Variants in BMPR1B observed in about 807,000 individuals in gnomAD.
BMPR1B encodes the protein bone morphogenetic protein receptor type-1B.
In BMPR1B, 12 loss-of-function variants were observed where a neutral mutation model predicts 59.1. The ratio of observed to expected loss-of-function variants is 0.20; its 90% CI spans 0.13 to 0.33. The LOEUF (loss-of-function observed/expected upper bound fraction) is 0.33, where lower values mean the gene tolerates loss of function less well. BMPR1B is among the 10% of genes least tolerant of loss of function. The probability of loss-of-function intolerance (pLI) is 1.00; values close to 1 mark genes in which losing one functional copy is unlikely to be tolerated. For synonymous variants in BMPR1B, 237 were observed against 207.3 expected, an observed-to-expected ratio of 1.14 and a Z score of -1.23; for missense variants, 550 against 610.9, an observed-to-expected ratio of 0.90 and a Z score of 1.05.
At chr4:94,988,252 A>G (rs1259337667) in intron 2 of BMPR1B, among the ~76,000 whole-genome samples, 2 of 152,146 alleles carry the variant, frequency 1.3e-5, no homozygotes, top group Non-Finnish European at 2.9e-5. Flanking sequence ...AAGTACTGAT[A>G]ATACAGCTGG....
At chr4:94,839,383 G>T (rs2148932576) in intron 1 of BMPR1B, among the ~76,000 whole-genome samples, 1 of 146,636 alleles carries the variant, frequency 6.8e-6, no homozygotes, top group African/African-American at 2.5e-5. Context: ...CATTATTAAT[G>T]TGTGGGGGTC....
At chr4:94,969,045 T>G (rs1228677655) in intron 2 of BMPR1B, among the ~76,000 whole-genome samples, 2 of 140,540 alleles carry the variant, frequency 1.4e-5, no homozygotes, top group African/African-American at 3.2e-5. Flanking sequence ...TTTTTGTTGT[T>G]TTTTTTTTGA....
At chr4:94,806,938 A>AT (rs1271275684) in intron 1 of BMPR1B, among the ~76,000 whole-genome samples, 1 of 151,036 alleles carries the variant, frequency 6.6e-6, no homozygotes, top group African/African-American at 2.5e-5. Context: ...TATTAAAGAT[A>AT]TTTTATTAAA....
In BMPR1B at chr4:95,098,086, A is replaced by G. The variant is rs1225667970; in HGVS notation, c.-17-6322A>G. ...CCTAGTATATTAGGATACTAATATA[A>G]TAAAATGTGAGAAAGTACATTCTTA... On this transcript the variant is annotated intron_variant, in intron 3 of 12. Coordinates refer to ENST00000515059, the MANE Select transcript of BMPR1B (RefSeq NM_001203.3). Among the ~76,000 whole-genome samples the G allele has an allele frequency of 2.0e-5, 3 of 152,174 alleles. No individual in the cohort carries two copies. The East Asian group carries it at 5.8e-4, about 29-fold the overall frequency.
At chr4:94,965,455 C>T (rs1310689789) in intron 2 of BMPR1B, among the ~76,000 whole-genome samples, 1 of 152,052 alleles carries the variant, frequency 6.6e-6, no homozygotes, top group Non-Finnish European at 1.5e-5. Flanking sequence ...CCCATCCTCC[C>T]CACTCCAAAA....
intron 2 of BMPR1B, among the ~76,000 whole-genome samples, chr4:94,973,118 A>G (rs1276943460): frequency 6.6e-6 from 1 of 152,036 alleles, no homozygotes; most frequent in Non-Finnish European, 1.5e-5. Flanking sequence ...GACAGCATCT[A>G]GGTGGGGTTG....
At chr4:95,042,046 C>T (rs1257926132) in intron 3 of BMPR1B, among the ~76,000 whole-genome samples, 9 of 152,010 alleles carry the variant, frequency 5.9e-5, no homozygotes, top group Admixed American at 1.3e-4. Flanking sequence ...TTAGTAGAGA[C>T]GGGGTTTCAC....
intron 3 of BMPR1B, among the ~76,000 whole-genome samples, chr4:95,084,342 T>TGTAG (rs1216026029): frequency 7.7e-6 from 1 of 129,924 alleles, no homozygotes; most frequent in African/African-American, 2.9e-5. Context: ...TATATGTATG[T>TGTAG]GTAGGTGTGT....
intron 2 of BMPR1B, among the ~76,000 whole-genome samples, chr4:94,940,167 T>G (rs1729455208): frequency 6.6e-6 from 1 of 152,220 alleles, no homozygotes; most frequent in Non-Finnish European, 1.5e-5. Context: ...TTCATCTGAC[T>G]TCTTGTAAAT....
intron 2 of BMPR1B, among the ~76,000 whole-genome samples, chr4:94,910,998 T>TA (rs1728251987): frequency 6.6e-6 from 1 of 152,168 alleles, no homozygotes; most frequent in East Asian, 1.9e-4. Flanking sequence ...ACCCAGTACT[T>TA]ACGTGAACCA....
chr4:94,954,898 G>T (rs1366331020), intron 2 of BMPR1B, among the ~76,000 whole-genome samples: 2 of 152,004 alleles, frequency 1.3e-5, no homozygotes, highest in Non-Finnish European at 2.9e-5. Context: ...TCTTTTACTG[G>T]TAATTCTTAC....
At position 94,814,322 on chromosome 4, in the gene BMPR1B, A is replaced by G. The variant is rs150070869; in HGVS notation, c.-183+56254A>G. Among the ~76,000 whole-genome samples, 445 of 152,348 alleles carry G rather than the reference A, an allele frequency of 2.9e-3. 3 individuals carry two copies. Among genetic ancestry groups the G allele is most frequent in the African/African-American group, 9.9e-3 (411 of 41,594 alleles). On this transcript the variant is annotated intron_variant, in intron 1 of 12. Transcript: ENST00000515059. ...GAGATGTTTAACTTGAGGTTCAGAA[A>G]CTAAGGTTTCCTAAATGCATGACAT... is the stretch of plus-strand genomic sequence containing the variant.
At chr4:95,060,434 A>G (rs1324011248) in intron 3 of BMPR1B, among the ~76,000 whole-genome samples, 1 of 152,214 alleles carries the variant, frequency 6.6e-6, no homozygotes, top group East Asian at 1.9e-4. Flanking sequence ...GTGTTGTTTA[A>G]TAAAACAGTT....
chr4:94,896,312 A>G (rs186809365), intron 2 of BMPR1B, among the ~76,000 whole-genome samples: 165 of 152,166 alleles, frequency 1.1e-3, no homozygotes, highest in African/African-American at 3.5e-3. Flanking sequence ...TCTAGGCTTG[A>G]TGATCAAAGT....
intron 3 of BMPR1B, among the ~76,000 whole-genome samples, chr4:95,048,610 G>C (rs779690588): frequency 6.6e-6 from 1 of 152,108 alleles, no homozygotes; most frequent in Non-Finnish European, 1.5e-5. Flanking sequence ...TTTGAGAAGC[G>C]TCTGTTCCTG....
At chr4:94,780,069 T>C (rs1436809583) in intron 1 of BMPR1B, among the ~76,000 whole-genome samples, 1 of 152,186 alleles carries the variant, frequency 6.6e-6, no homozygotes, top group Admixed American at 6.5e-5. Context: ...TGACATGTAA[T>C]TAATAATCTT....
chr4:94,994,219 C>T (rs1721921146), intron 2 of BMPR1B, among the ~76,000 whole-genome samples: 1 of 152,178 alleles, frequency 6.6e-6, no homozygotes. Flanking sequence ...TTATAAAATC[C>T]TTCATCACCT....
intron 1 of BMPR1B, among the ~76,000 whole-genome samples, chr4:94,873,210 A>C (rs965004046): frequency 3.9e-5 from 6 of 151,938 alleles, no homozygotes. Flanking sequence ...TTAAGTACTG[A>C]CCACCTTACT....
intron 1 of BMPR1B, among the ~76,000 whole-genome samples, chr4:94,851,721 T>C (rs1725573652): frequency 6.6e-6 from 1 of 152,134 alleles, no homozygotes; most frequent in South Asian, 2.1e-4. Context: ...TTTATATTTA[T>C]ATATTTATGC....
Sources: allele counts gnomAD v4.1 joint callset (sites outside exome capture counted in the v4.1 genomes callset), GRCh38; gene constraint gnomAD v4.1.1; transcripts MANE v1.5; gene names NCBI Gene and HGNC (gene_info 2026-07-23, HGNC 2026-07-21).